ADAMTSL2: variants seen among roughly 807,000 people sequenced by gnomAD.
ADAMTSL2 encodes the protein ADAMTS-like protein 2.
ADAMTSL2 carries 55 observed loss-of-function variants against 117.0 expected under a neutral mutation model. The ratio of observed to expected loss-of-function variants is 0.47; its 90% confidence interval spans 0.38 to 0.59. The LOEUF (loss-of-function observed/expected upper bound fraction) is 0.59, where lower values mean the gene tolerates loss of function less well. ADAMTSL2 is among the 20% of genes least tolerant of loss of function. The probability of loss-of-function intolerance (pLI) is 0.00; values close to 1 mark genes in which losing one functional copy is unlikely to be tolerated. For missense variants in ADAMTSL2, 1,182 were observed against 1,354.5 expected (o/e 0.87, Z 2.00); for synonymous variants, 572 against 566.4 (o/e 1.01, Z -0.14).
At chr9:133,532,679 C>T (rs1588270208), upstream of ADAMTSL2, 1 of 152,224 alleles carries the variant, frequency 6.6e-6, no homozygotes, top group African/African-American at 2.4e-5. Context: ...ACAGCACTCT[C>T]TAAGGGGTAA....
intron 4 of ADAMTSL2, 82 bp from the exon 5 acceptor site, chr9:133,539,689 G>GGCTGTCCCGGCTCT: frequency 3.7e-6 from 1 of 270,406 alleles, no homozygotes; most frequent in Non-Finnish European, 5.8e-6. Flanking sequence ...CCCGGCTGCA[G>GGCTGTCCCGGCTCT]CCACTTCCTG....
chr9:133,534,630 G>T, upstream of ADAMTSL2: 3 of 1,289,028 alleles, frequency 2.3e-6, no homozygotes, highest in Non-Finnish European at 3.0e-6. Flanking sequence ...CGGGGGAGCG[G>T]CCTGGTGGGA....
At chr9:133,538,511 C>A in intron 4 of ADAMTSL2, 87 bp downstream of exon 4, 1 of 1,421,134 alleles carries the variant, frequency 7.0e-7, no homozygotes, top group Non-Finnish European at 9.8e-7. Flanking sequence ...GGCTCCTGGG[C>A]ATTCTGGGCA....
chr9:133,540,411 G>T (rs1830188803), intron 5 of ADAMTSL2, among the ~76,000 whole-genome samples, 187 bp from the exon 6 acceptor site: 1 of 152,192 alleles, frequency 6.6e-6, no homozygotes, highest in African/African-American at 2.4e-5. Context: ...AACTCACGGG[G>T]TGTGGGCTGA....
At chr9:133,542,537 A>C (rs3793627) in intron 7 of ADAMTSL2, among the ~76,000 whole-genome samples, 130,185 of 152,226 alleles carry the variant, frequency 0.86, 56,324 homozygotes, top group Non-Finnish European at 0.93. Flanking sequence ...GCCTGGGGCC[A>C]AGGGGCTGAC....
intron 14 of ADAMTSL2, 22 bp from the exon 15 acceptor site, chr9:133,568,581 C>T (rs748507137): frequency 1.5e-4 from 232 of 1,560,324 alleles, no homozygotes; most frequent in Non-Finnish European, 1.9e-4. Flanking sequence ...ACCCCCCCTG[C>T]CCCCTCCCCC....
intron 7 of ADAMTSL2, among the ~76,000 whole-genome samples, chr9:133,541,969 A>G (rs62574180): frequency 0.095 from 14,478 of 152,336 alleles, 942 homozygotes; most frequent in Non-Finnish European, 0.15. Flanking sequence ...CTGGGAAGGC[A>G]GGACAGCTTC....
rs1277784709 is a variant in ADAMTSL2, at chr9:133,539,881, C to A, written c.412+8C>A. The A allele has an allele frequency of 9.7e-6, 15 of 1,550,570 alleles. No homozygotes were observed. The highest frequency in any genetic ancestry group is 1.2e-5 in the Non-Finnish European group (14 of 1,146,770). On this transcript the variant is annotated splice_region_variant and intron_variant, in intron 5 of 18. Transcript: ENST00000651351. ...GGAAGCCTCTGTACCCGGGTACCTGCCGCCCTGGGGACCCACCTTGCAGGG... is the reference window on the plus strand; with the variant it reads ...GGAAGCCTCTGTACCCGGGTACCTGACGCCCTGGGGACCCACCTTGCAGGG...
At chr9:133,568,782 C>T in intron 15 of ADAMTSL2, 24 bp downstream of exon 15, 1 of 1,612,736 alleles carries the variant, frequency 6.2e-7, no homozygotes, top group South Asian at 1.1e-5. Context: ...TGAGGGGTGG[C>T]TGGGCGTGCG....
chr9:133,553,847 C>T (rs1830543681), intron 9 of ADAMTSL2, among the ~76,000 whole-genome samples: 1 of 152,214 alleles, frequency 6.6e-6, no homozygotes, highest in African/African-American at 2.4e-5. Flanking sequence ...ACAGGGAGCC[C>T]TGGAGCGGGG....
At position 133,574,933 on chromosome 9, in the gene ADAMTSL2, G is replaced by GCCTCCA. The variant is rs1831193590; in HGVS notation, c.*71_*76dup. The GCCTCCA allele has an allele frequency of 1.6e-6, 2 of 1,271,462 alleles. No individual in the cohort carries two copies. The highest frequency in any genetic ancestry group is 2.3e-6 in the Non-Finnish European group (2 of 871,686). 78.8% of individuals were successfully genotyped at this position (1,271,462 alleles called of 1,614,324 possible). A position where few individuals can be genotyped will look rare whatever the true frequency, so the allele number is the denominator to read the frequency against. ...TCCTGGGGCTGCTGCAGCTTCTGGG[G>GCCTCCA]CCTCCACAGACCCCCCTCCTGCGGG... On this transcript the variant is annotated 3_prime_UTR_variant, in exon 19 of 19. Coordinates refer to ENST00000651351, the MANE Select transcript of ADAMTSL2 (RefSeq NM_014694.4).
chr9:133,571,091 C>T (rs1055025906), intron 17 of ADAMTSL2, among the ~76,000 whole-genome samples: 3 of 152,122 alleles, frequency 2.0e-5, no homozygotes, highest in African/African-American at 4.8e-5. Flanking sequence ...GCTGAGATCG[C>T]GGTTCTCTTT....
chr9:133,554,499 T>C lies in ADAMTSL2; in HGVS notation c.1082T>C (p.Met361Thr), dbSNP rs981120741. Residue 361 changes from methionine (M) to threonine (T), a missense_variant, in exon 10 of 19, where the codon ATG (methionine) becomes ACG (threonine). By Grantham distance (81) the Met-to-Thr change is moderately conservative. This residue lies in a region of ADAMTSL2 where 345 missense variants were observed against 325.8 expected (regional missense o/e 1.06). Coordinates refer to ENST00000651351, the MANE Select transcript of ADAMTSL2 (RefSeq NM_014694.4). The surrounding 1 kb of genome is among the most constrained non-coding windows in gnomAD (Gnocchi z 5.2). ...ESQGLDGAGL[M>T]GFVPHNGSLY... ...CAGGGCCTGGACGGGGCCGGGCTGA[T>C]GGGCTTCGTCCCGCACAACGGCTCC... is the stretch of plus-strand genomic sequence containing the variant. 4 of 1,550,636 alleles carry C rather than the reference T, an allele frequency of 2.6e-6. No individual in the cohort carries two copies. The African/African-American group carries it at 4.1e-5, about 16-fold the overall frequency.
Position 133,554,364 on chromosome 9 carries a change from A to G in ADAMTSL2, c.947A>G (p.Asn316Ser). ...TNQGLNVMVW[N>S]QNGKSPSITF... ...CCACTTCTCTTTCCCTAGGTGTGGAACCAGAACGGCAAAAGCCCCTCCATC... is the reference window on the plus strand; with the variant it reads ...CCACTTCTCTTTCCCTAGGTGTGGAGCCAGAACGGCAAAAGCCCCTCCATC... The change falls in exon 10 of 19, where the codon AAC (asparagine) becomes AGC (serine). Residue 316 changes from asparagine to serine, a missense_variant. Transcript: ENST00000651351. The surrounding 1 kb of genome is among the most constrained non-coding windows in gnomAD (Gnocchi z 5.2). The G allele has an allele frequency of 1.3e-6, 2 of 1,552,842 alleles. No individual in the cohort carries two copies. The highest frequency in any genetic ancestry group is 1.7e-6 in the Non-Finnish European group (2 of 1,153,488).
At chr9:133,542,014 G>C (rs2131104820) in intron 7 of ADAMTSL2, among the ~76,000 whole-genome samples, 1 of 152,356 alleles carries the variant, frequency 6.6e-6, no homozygotes, top group Non-Finnish European at 1.5e-5. Flanking sequence ...CCAAGGCCCA[G>C]AGTGGGAATA....
chr9:133,566,015 G>A (rs1235036677), intron 12 of ADAMTSL2, among the ~76,000 whole-genome samples: 1 of 152,202 alleles, frequency 6.6e-6, no homozygotes, highest in African/African-American at 2.4e-5. Context: ...CAGGGGCGAG[G>A]ACGAAAGAAG....
At chr9:133,549,678 C>T (rs1311292313) in intron 9 of ADAMTSL2, among the ~76,000 whole-genome samples, 2 of 152,084 alleles carry the variant, frequency 1.3e-5, no homozygotes, top group Non-Finnish European at 2.9e-5. Context: ...AGCCACCTGC[C>T]TTGGCCTGTC....
intron 10 of ADAMTSL2, among the ~76,000 whole-genome samples, chr9:133,555,295 G>C (rs376277640): frequency 2.2e-5 from 3 of 137,642 alleles, no homozygotes; most frequent in South Asian, 2.7e-4. Context: ...GAGGTTCCGG[G>C]GGGGGCCATG....
chr9:133,554,753 C>T lies in ADAMTSL2; in HGVS notation c.1276+60C>T, dbSNP rs1588293650. ...CGGGAGGCAGCCCAGGGAAGGGGGC[C>T]TTGGGGAAGGGGTCTCAGACCCTTT... On this transcript the variant is annotated intron_variant, in intron 10 of 18. Coordinates refer to ENST00000651351, the MANE Select transcript of ADAMTSL2 (RefSeq NM_014694.4). The surrounding 1 kb of genome is among the most constrained non-coding windows in gnomAD (Gnocchi z 5.2). 1.4e-6 allele frequency: 2 copies of T among 1,388,520 alleles called. No homozygotes were observed. The highest frequency in any genetic ancestry group is 1.9e-6 in the Non-Finnish European group (2 of 1,046,562). The allele number at this position is 1,388,520 out of a possible 1,614,324, so 86.0% of individuals were successfully genotyped here. A position where few individuals can be genotyped will look rare whatever the true frequency, so the allele number is the denominator to read the frequency against.
Sources: gnomAD v4.1 joint callset for allele counts (sites outside exome capture counted in the v4.1 genomes callset) on GRCh38, gnomAD v4.1.1 for gene constraint, gnomAD v4.1.1 regional missense constraint, Gnocchi (gnomAD v3.1) non-coding constraint, MANE v1.5 for transcripts, NCBI Gene and HGNC (gene_info 2026-07-23, HGNC 2026-07-21) for gene names.